The following TG variants were observed in gnomAD, a reference collection of about 807,000 sequenced individuals.
TG encodes the protein thyroglobulin, also known as thyroid hormones.
TG carries 270 observed loss-of-function variants against 324.7 expected under a neutral mutation model. The ratio of observed to expected loss-of-function variants is 0.83; its 90% confidence interval spans 0.75 to 0.92. The LOEUF (loss-of-function observed/expected upper bound fraction) is 0.92. TG is among the 40% of genes least tolerant of loss of function. The pLI is 0.00. For synonymous variants in TG, 1,401 were observed against 1,327.0 expected (o/e 1.06, Z -1.21); for missense variants, 3,591 against 3,456.4 (o/e 1.04, Z -0.98).
intron 5 of TG, among the ~76,000 whole-genome samples, chr8:132,880,430 G>T (rs1814489292): frequency 6.6e-6 from 1 of 152,036 alleles, no homozygotes; most frequent in Non-Finnish European, 1.5e-5. Flanking sequence ...AATTATCCTA[G>T]GCTCTGATGA....
intron 3 of TG, 80 bp downstream of exon 3, chr8:132,869,906 G>A: frequency 1.5e-6 from 2 of 1,299,406 alleles, no homozygotes; most frequent in Non-Finnish European, 2.2e-6. Flanking sequence ...GGGTTTGGGT[G>A]GGTGACTGAG....
At chr8:132,924,826 A>G (rs1821603942) in intron 22 of TG, among the ~76,000 whole-genome samples, 1 of 152,214 alleles carries the variant, frequency 6.6e-6, no homozygotes, top group Admixed American at 6.5e-5. Context: ...GGCATTACCT[A>G]CCAGCGGTAG....
chr8:133,060,203 G>C (rs201888466), intron 41 of TG: 10 of 1,613,564 alleles, frequency 6.2e-6, no homozygotes, highest in Admixed American at 5.0e-5. Context: ...CCCAGAGCCT[G>C]TGGTATAGGA....
intron 5 of TG, among the ~76,000 whole-genome samples, chr8:132,876,386 A>C (rs892702163): frequency 6.6e-6 from 1 of 152,174 alleles, no homozygotes; most frequent in East Asian, 1.9e-4. Context: ...TAAATTTGAA[A>C]AGGAAAAGCC....
intron 42 of TG, among the ~76,000 whole-genome samples, 178 bp from the exon 43 acceptor site, chr8:133,096,028 C>T (rs1848356803): frequency 6.6e-6 from 1 of 152,200 alleles, no homozygotes. Flanking sequence ...ATTCATTCAC[C>T]CTCCAGCCCC....
At position 132,983,545 on chromosome 8, in the gene TG, TA is replaced by T. The variant is rs1251347294; in HGVS notation, c.6262+136del. ...CGCATTAATTCCAGCTCCTATGAAT[TA>T]AACACATGTATAAGTGGGGTGAGTA... On this transcript the variant is annotated intron_variant, in intron 35 of 47. Coordinates refer to ENST00000220616, the MANE Select transcript of TG (RefSeq NM_003235.5). 4 of 908,706 alleles carry T rather than the reference TA, an allele frequency of 4.4e-6. No individual in the cohort carries two copies. The East Asian group carries it at 9.7e-5, about 22-fold the overall frequency. The allele number at this position is 908,706 out of a possible 1,614,324, so 56.3% of individuals were successfully genotyped here.
intron 41 of TG, among the ~76,000 whole-genome samples, chr8:133,036,307 T>C (rs1460278652): frequency 6.6e-6 from 1 of 152,204 alleles, no homozygotes; most frequent in Non-Finnish European, 1.5e-5. Flanking sequence ...TCAAGCTCCA[T>C]GATATCAGAG....
At chr8:133,131,193 C>G (rs1337317331) in intron 45 of TG, among the ~76,000 whole-genome samples, 1 of 152,236 alleles carries the variant, frequency 6.6e-6, no homozygotes, top group East Asian at 1.9e-4. Context: ...TACCAGGCTC[C>G]TCAGCACCAG....
At chr8:133,068,803 C>A (rs1203498024) in intron 41 of TG, among the ~76,000 whole-genome samples, 3 of 152,242 alleles carry the variant, frequency 2.0e-5, no homozygotes, top group Non-Finnish European at 4.4e-5. Flanking sequence ...TTCTTTCTTT[C>A]TAGATAGACT....
At position 132,879,785 on chromosome 8, in the gene TG, G is replaced by T. The variant is rs530321681; in HGVS notation, c.639-2078G>T. 2.6e-5 allele frequency among the ~76,000 whole-genome samples: 4 copies of T among 152,252 alleles called. No individual in the cohort carries two copies. The South Asian group carries it at 8.3e-4, about 32-fold the overall frequency. ...GAGTGAGGTCCATGCAAAAAACACTGGTAGGTCCAGGTACTGGGCAGTTTA... is the reference window on the plus strand; with the variant it reads ...GAGTGAGGTCCATGCAAAAAACACTTGTAGGTCCAGGTACTGGGCAGTTTA... On this transcript the variant is annotated intron_variant, in intron 5 of 47. Transcript: ENST00000220616.
intron 14 of TG, 78 bp downstream of exon 14, chr8:132,898,988 C>A: frequency 8.0e-7 from 1 of 1,255,716 alleles, no homozygotes; most frequent in Non-Finnish European, 1.1e-6. Flanking sequence ...TTGTTCAATA[C>A]GTTCAGCTTA....
At chr8:133,034,382 G>T (rs1052966807) in intron 41 of TG, among the ~76,000 whole-genome samples, 3 of 152,048 alleles carry the variant, frequency 2.0e-5, no homozygotes, top group African/African-American at 7.2e-5. Context: ...GCCATCATTT[G>T]CTTGGTATTA....
intron 6 of TG, 148 bp downstream of exon 6, chr8:132,882,117 G>A: frequency 3.0e-6 from 2 of 656,848 alleles, no homozygotes; most frequent in Admixed American, 5.2e-5. Flanking sequence ...CACAACCTTA[G>A]CAAACTGTCA....
chr8:133,102,335 G>T, intron 43 of TG: 1 of 494,286 alleles, frequency 2.0e-6, no homozygotes, highest in Non-Finnish European at 3.7e-6. Flanking sequence ...CAGCTTCCCA[G>T]GGAAGTCACG....
intron 41 of TG, chr8:133,059,219 CA>C (rs1486523180): frequency 1.6e-5 from 7 of 444,982 alleles, no homozygotes; most frequent in African/African-American, 1.2e-4. Context: ...CACCAGGCCC[CA>C]AATGCTACCA....
In TG at chr8:132,935,816, A is replaced by G. The variant is rs1316407588; in HGVS notation, c.4993A>G (p.Lys1665Glu). ...TSFGSLRCQV[K>E]VRSHGQDSPA... is the part of the protein sequence containing the mutation. ...CTTTGGAAGTCTTCGCTGCCAGGTG[A>G]AAGTGAGGAGCCATGGTCAAGATTC... is the stretch of plus-strand genomic sequence containing the variant. The change falls in exon 25 of 48, where the codon AAA (lysine) becomes GAA (glutamate). Residue 1665 changes from lysine (K) to glutamate (E), a missense_variant. Coordinates refer to ENST00000220616, the MANE Select transcript of TG (RefSeq NM_003235.5). The G allele has an allele frequency of 6.2e-7, 1 of 1,612,880 alleles. No homozygotes were observed. Among genetic ancestry groups the G allele is most frequent in the Admixed American group, 1.7e-5 (1 of 60,034 alleles).
chr8:132,885,243 AT>A (rs770778560), intron 8 of TG, among the ~76,000 whole-genome samples: 2 of 151,860 alleles, frequency 1.3e-5, no homozygotes, highest in Non-Finnish European at 2.9e-5. Context: ...TGAATTTTAC[AT>A]TTTTTCTCTC....
At chr8:132,945,286 A>G (rs1825083785) in intron 26 of TG, among the ~76,000 whole-genome samples, 1 of 152,152 alleles carries the variant, frequency 6.6e-6, no homozygotes, top group Non-Finnish European at 1.5e-5. Flanking sequence ...TAGAAGACAG[A>G]TTTAAAGCAT....
At chr8:132,907,589 C>G (rs1423680318) in intron 17 of TG, among the ~76,000 whole-genome samples, 1 of 152,128 alleles carries the variant, frequency 6.6e-6, no homozygotes, top group East Asian at 1.9e-4. Context: ...TCAAGGAGAG[C>G]ATTTGTTGCA....
Sources: gnomAD v4.1 joint callset for allele counts (sites outside exome capture counted in the v4.1 genomes callset) on GRCh38, gnomAD v4.1.1 for gene constraint, MANE v1.5 for transcripts, NCBI Gene and HGNC (gene_info 2026-07-23, HGNC 2026-07-21) for gene names.